Variants in ARHGAP25 observed in about 807,000 individuals in gnomAD.
The protein encoded by ARHGAP25 is rho GTPase-activating protein 25.
In ARHGAP25, 34 loss-of-function variants were observed where a neutral mutation model predicts 71.0. The ratio of observed to expected loss-of-function variants is 0.48; its 90% CI spans 0.36 to 0.64. The LOEUF (loss-of-function observed/expected upper bound fraction) is 0.64, where lower values mean the gene tolerates loss of function less well. Ranked by LOEUF, ARHGAP25 falls within the 30% of genes least tolerant of loss-of-function variation. The pLI, the probability that ARHGAP25 is intolerant of heterozygous loss-of-function variation, is 0.00. For missense variants in ARHGAP25, 706 were observed against 805.1 expected, an observed-to-expected ratio of 0.88 and a Z score of 1.49; for synonymous variants, 282 against 296.5, an observed-to-expected ratio of 0.95 and a Z score of 0.50.
At chr2:68,815,875 T>C (rs892794212) in intron 6 of ARHGAP25, among the ~76,000 whole-genome samples, 1 of 152,104 alleles carries the variant, frequency 6.6e-6, no homozygotes, top group African/African-American at 2.4e-5. Context: ...GAAATCCTTC[T>C]CAGAAGAATC....
chr2:68,711,630 A>G (rs1228431305), intron 2 of ARHGAP25, among the ~76,000 whole-genome samples: 6 of 152,036 alleles, frequency 3.9e-5, no homozygotes, highest in Admixed American at 6.6e-5. Context: ...TCAACCCGTC[A>G]TCTACATTAG....
At chr2:68,822,111 A>G (rs1484394669) in intron 9 of ARHGAP25, among the ~76,000 whole-genome samples, 1 of 152,170 alleles carries the variant, frequency 6.6e-6, no homozygotes, top group Non-Finnish European at 1.5e-5. Context: ...TTTAACCACA[A>G]ACAAACACTT....
chr2:68,799,232 T>C (rs528607417), intron 4 of ARHGAP25, among the ~76,000 whole-genome samples: 1 of 152,242 alleles, frequency 6.6e-6, no homozygotes, highest in East Asian at 1.9e-4. Context: ...TATTAATGAA[T>C]GGAGAATAAA....
intron 3 of ARHGAP25, 36 bp downstream of exon 3, chr2:68,782,356 G>A (rs1558634024): frequency 2.5e-6 from 4 of 1,588,628 alleles, no homozygotes; most frequent in Non-Finnish European, 3.5e-6. Context: ...GTGCAGTGCA[G>A]AAGTAAAATT....
chr2:68,806,556 C>T (rs546034109), intron 4 of ARHGAP25, among the ~76,000 whole-genome samples: 47 of 152,286 alleles, frequency 3.1e-4, no homozygotes, highest in African/African-American at 9.9e-4. Flanking sequence ...ACAACTACTA[C>T]GCGACTCCTG....
chr2:68,752,997 C>A (rs1676264729), intron 1 of ARHGAP25, among the ~76,000 whole-genome samples: 2 of 152,152 alleles, frequency 1.3e-5, no homozygotes, highest in South Asian at 4.2e-4. Flanking sequence ...GGACTTTACC[C>A]AGTTGATGAC....
At chr2:68,791,464 T>C (rs1379777292) in intron 4 of ARHGAP25, among the ~76,000 whole-genome samples, 1 of 152,048 alleles carries the variant, frequency 6.6e-6, no homozygotes, top group Non-Finnish European at 1.5e-5. Context: ...ATTCAGTAAA[T>C]GGGTTGTGTC....
intron 3 of ARHGAP25, among the ~76,000 whole-genome samples, chr2:68,786,304 G>GA (rs1678757740): frequency 6.6e-6 from 1 of 152,174 alleles, no homozygotes; most frequent in South Asian, 2.1e-4. Flanking sequence ...ACGGAGCGGG[G>GA]AAAGACACCA....
intron 2 of ARHGAP25, among the ~76,000 whole-genome samples, chr2:68,727,043 C>T (rs972615123): frequency 1.3e-5 from 2 of 151,924 alleles, no homozygotes; most frequent in Non-Finnish European, 2.9e-5. Flanking sequence ...AAGATCTTTA[C>T]GTTTGGTGTC....
At chr2:68,718,906 C>T (rs938979576) in intron 2 of ARHGAP25, among the ~76,000 whole-genome samples, 3 of 152,094 alleles carry the variant, frequency 2.0e-5, no homozygotes, top group Non-Finnish European at 4.4e-5. Flanking sequence ...TAATTCCCAA[C>T]CTTCATTCTC....
At chr2:68,791,158 G>A (rs1679146933) in intron 4 of ARHGAP25, among the ~76,000 whole-genome samples, 1 of 152,130 alleles carries the variant, frequency 6.6e-6, no homozygotes, top group Non-Finnish European at 1.5e-5. Context: ...TTACCCCTCA[G>A]TTCTGCCTCG....
upstream of ARHGAP25, among the ~76,000 whole-genome samples, chr2:68,730,507 G>T (rs1003596290): frequency 2.0e-5 from 3 of 151,914 alleles, no homozygotes; most frequent in African/African-American, 7.3e-5. Context: ...AAAATTAGCC[G>T]GGCATGGTAG....
At chr2:68,754,549 C>T (rs1440990997) in intron 1 of ARHGAP25, among the ~76,000 whole-genome samples, 1 of 152,144 alleles carries the variant, frequency 6.6e-6, no homozygotes, top group African/African-American at 2.4e-5. Context: ...TAAATATTTG[C>T]TTATAAGTTT....
Position 68,715,668 on chromosome 2 carries a change from G to A in ARHGAP25, c.-18+4970G>A, listed in dbSNP as rs146928403. On this transcript the variant is annotated intron_variant and NMD_transcript_variant, in intron 2 of 7. Transcript: ENST00000463483. Reference sequence around the variant, plus strand: ...GGTGAACCGAGGGAAGAACCTGGATGCCTGAGGAATGAATGCCAGAGCCCC... The same window carrying A: ...GGTGAACCGAGGGAAGAACCTGGATACCTGAGGAATGAATGCCAGAGCCCC... Among the ~76,000 whole-genome samples, 78 of 152,346 alleles carry A rather than the reference G, an allele frequency of 5.1e-4. 1 individual carries two copies. The highest frequency in any genetic ancestry group is 1.8e-3 in the African/African-American group (76 of 41,582).
At chr2:68,769,340 A>T (rs1573480643) in intron 1 of ARHGAP25, among the ~76,000 whole-genome samples, 1 of 152,126 alleles carries the variant, frequency 6.6e-6, no homozygotes, top group African/African-American at 2.4e-5. Flanking sequence ...ACTGGCTGGG[A>T]CCTGTCCACT....
At chr2:68,808,381 A>G (rs1180706611) in intron 5 of ARHGAP25, among the ~76,000 whole-genome samples, 1 of 152,144 alleles carries the variant, frequency 6.6e-6, no homozygotes, top group Non-Finnish European at 1.5e-5. Context: ...TGAAGACCTA[A>G]GTGTCATCTT....
At chr2:68,807,557 G>A (rs1680465455) in intron 5 of ARHGAP25, 77 bp downstream of exon 5, 1 of 1,421,566 alleles carries the variant, frequency 7.0e-7, no homozygotes, top group African/African-American at 1.4e-5. Flanking sequence ...CTCCATTCCA[G>A]TTGAGCTATG....
At chr2:68,741,125 G>A in intron 1 of ARHGAP25, among the ~76,000 whole-genome samples, 1 of 152,176 alleles carries the variant, frequency 6.6e-6, no homozygotes, top group East Asian at 1.9e-4. Context: ...GATCAGACTA[G>A]AAGCTGTACT....
chr2:68,772,222 A>T (rs1480189922), intron 1 of ARHGAP25, among the ~76,000 whole-genome samples: 1 of 152,060 alleles, frequency 6.6e-6, no homozygotes, highest in African/African-American at 2.4e-5. Context: ...GCTGTTGGAG[A>T]CCTTCAGTTT....
Sources: gnomAD v4.1 joint callset for allele counts (sites outside exome capture counted in the v4.1 genomes callset) on GRCh38, gnomAD v4.1.1 for gene constraint, MANE v1.5 for transcripts, NCBI Gene and HGNC (gene_info 2026-07-23, HGNC 2026-07-21) for gene names.